Variants in TBCD observed in about 807,000 individuals in gnomAD.
TBCD encodes the protein tubulin folding cofactor D, also known as tubulin-specific chaperone D.
A neutral mutation model predicts 169.3 loss-of-function variants in TBCD; 105 were observed. The observed-to-expected ratio is 0.62, with a 90% CI of 0.53 to 0.73. The LOEUF is 0.73. Ranked by LOEUF, TBCD falls within the 30% of genes least tolerant of loss-of-function variation. TBCD has a pLI of 0.00. For synonymous variants in TBCD, 700 were observed against 643.9 expected (o/e 1.09, Z -1.32); for missense variants, 1,444 against 1,600.1 (o/e 0.90, Z 1.66).
intron 14 of TBCD, among the ~76,000 whole-genome samples, chr17:82,879,072 T>C (rs1222079750): frequency 6.6e-6 from 1 of 150,990 alleles, no homozygotes; most frequent in Non-Finnish European, 1.5e-5. Flanking sequence ...TTTTTTTTTT[T>C]TTTTTTTCTT....
rs1369299067 is a variant in TBCD, at chr17:82,923,818, G to C, written c.2260+85G>C. Reference sequence around the variant, plus strand: ...AGTGTCTGGGCACGGAGGAGGCCTCGGTTGTGCAGTGGAGCAGAGCCACCA... The same window carrying C: ...AGTGTCTGGGCACGGAGGAGGCCTCCGTTGTGCAGTGGAGCAGAGCCACCA... On this transcript the variant is annotated intron_variant, in intron 26 of 38. Transcript: ENST00000355528. This position sits in a 1 kb window ranked among gnomAD's most constrained non-coding sequence, Gnocchi z 4.6. 8.6e-7 allele frequency: 1 copy of C among 1,159,690 alleles called. No individual in the cohort carries two copies. Among genetic ancestry groups the C allele is most frequent in the Non-Finnish European group, 1.2e-6 (1 of 814,976 alleles). 71.8% of individuals were successfully genotyped at this position (1,159,690 alleles called of 1,614,324 possible).
intron 1 of TBCD, 120 bp downstream of exon 1, chr17:82,752,497 TGCGCGGTCCCGCGGGCCGTGGTGGG>T (rs1184249287): frequency 1.2e-6 from 1 of 811,566 alleles, no homozygotes; most frequent in Admixed American, 5.3e-5. Context: ...GGGCTGCCGG[TGCGCGGTCCCGCGGGCCGTGGTGGG>T]GCGCGGCCTT....
chr17:82,768,573 A>G lies in TBCD; in HGVS notation c.582+7A>G, dbSNP rs1453790061. On this transcript the variant is annotated splice_region_variant and intron_variant, in intron 5 of 38. Coordinates refer to ENST00000355528, the MANE Select transcript of TBCD (RefSeq NM_005993.5). ...TATTCTCCAAATAGCAGAGGTAAAT[A>G]TCATGCAGATAATTAGCTGCTAATT... The G allele has an allele frequency of 6.2e-7, 1 of 1,613,402 alleles. No individual in the cohort carries two copies. Among genetic ancestry groups the G allele is most frequent in the South Asian group, 1.1e-5 (1 of 91,028 alleles).
chr17:82,928,003 G>A lies in TBCD; in HGVS notation c.2693+15G>A, dbSNP rs772259454. 27 of 1,606,268 alleles carry A rather than the reference G, an allele frequency of 1.7e-5. No individual in the cohort carries two copies. The highest frequency in any genetic ancestry group is 4.5e-5 in the East Asian group (2 of 44,822). ...GAGGCCCATACGTGAGTGTCACGTCGCAGCTCTTCTGCATCCTAGAGGGCA... is the reference window on the plus strand; with the variant it reads ...GAGGCCCATACGTGAGTGTCACGTCACAGCTCTTCTGCATCCTAGAGGGCA... On this transcript the variant is annotated intron_variant, in intron 30 of 38. Coordinates refer to ENST00000355528, the MANE Select transcript of TBCD (RefSeq NM_005993.5).
intron 13 of TBCD, chr17:82,829,807 A>G: frequency 3.4e-6 from 1 of 290,220 alleles, no homozygotes; most frequent in East Asian, 7.0e-5. Flanking sequence ...TAATAGAAAA[A>G]CAGTTAAAAC....
At chr17:82,790,187 G>T (rs1041262935) in intron 7 of TBCD, among the ~76,000 whole-genome samples, 1 of 152,110 alleles carries the variant, frequency 6.6e-6, no homozygotes, top group Non-Finnish European at 1.5e-5. Flanking sequence ...CCCTCTGGAG[G>T]CCCTGGGCTC....
intron 8 of TBCD, among the ~76,000 whole-genome samples, 162 bp downstream of exon 8, chr17:82,797,964 T>A (rs2050226923): frequency 1.7e-4 from 2 of 11,650 alleles, no homozygotes; most frequent in Non-Finnish European, 2.7e-4. Context: ...TAACTGAACT[T>A]TTTTTTTTTT....
At chr17:82,887,131 C>CTATG (rs1555632222) in intron 15 of TBCD, among the ~76,000 whole-genome samples, 1 of 123,364 alleles carries the variant, frequency 8.1e-6, no homozygotes, top group Non-Finnish European at 1.7e-5. Context: ...TACCTGTACT[C>CTATG]TGTGTGTGTG....
intron 14 of TBCD, among the ~76,000 whole-genome samples, chr17:82,875,538 C>T (rs1411972581): frequency 2.6e-5 from 4 of 152,256 alleles, no homozygotes; most frequent in African/African-American, 9.6e-5. Context: ...CCACGGGGCC[C>T]TCCCCTGCCA....
chr17:82,889,749 G>A lies in TBCD; in HGVS notation c.1563+52G>A, dbSNP rs2059001683. 4 of 1,605,780 alleles carry A rather than the reference G, an allele frequency of 2.5e-6. 1 individual carries two copies. The South Asian group carries it at 4.4e-5, about 18-fold the overall frequency. ...TCCAAAAACTTCCTGCGGGTTTATA[G>A]GTAGGAATCTTGAGAGCTATAACCC... On this transcript the variant is annotated intron_variant, in intron 16 of 38. Transcript: ENST00000355528. The surrounding 1 kb of genome is among the most constrained non-coding windows in gnomAD (Gnocchi z 5.3).
At chr17:82,785,790 C>T (rs1239414390) in intron 7 of TBCD, among the ~76,000 whole-genome samples, 1 of 144,028 alleles carries the variant, frequency 6.9e-6, no homozygotes. Context: ...TCCCGCCCAT[C>T]GCAGCGGGAG....
In TBCD at chr17:82,772,553, G is replaced by T. The variant is rs749686460; in HGVS notation, c.638+46G>T. 7 of 1,603,262 alleles carry T rather than the reference G, an allele frequency of 4.4e-6. No individual in the cohort carries two copies. In the South Asian group the frequency reaches 7.7e-5, roughly 18 times the overall value. ...TCTTGGTGTGTGGCTGGTGGGTTCTGAGAGGGGTTTGTTTGGGTACGTGTT... is the reference window on the plus strand; with the variant it reads ...TCTTGGTGTGTGGCTGGTGGGTTCTTAGAGGGGTTTGTTTGGGTACGTGTT... On this transcript the variant is annotated intron_variant, in intron 6 of 38. Transcript: ENST00000355528.
In TBCD at chr17:82,766,379, C is replaced by T. The variant is rs754353709; in HGVS notation, c.435+11C>T. The T allele has an allele frequency of 4.2e-5, 67 of 1,601,368 alleles. No individual in the cohort carries two copies. The highest frequency in any genetic ancestry group is 5.1e-6 in the Non-Finnish European group (6 of 1,171,586). On this transcript the variant is annotated intron_variant, in intron 4 of 38. Transcript: ENST00000355528. The stretch of plus-strand genomic sequence containing the variant: ...CCCAAGGACCATGAAGTGAGTGTCT[C>T]TGCCTCCCCCCTCGTCTCCAGCCCT...
At chr17:82,766,080 G>A (rs1375545002) in intron 3 of TBCD, among the ~76,000 whole-genome samples, 187 bp from the exon 4 acceptor site, 6 of 152,130 alleles carry the variant, frequency 3.9e-5, no homozygotes, top group Non-Finnish European at 7.4e-5. Context: ...GTGAGCCATC[G>A]CTCTTGGCCA....
chr17:82,940,344 G>A (rs2063069524), intron 37 of TBCD, among the ~76,000 whole-genome samples: 1 of 152,204 alleles, frequency 6.6e-6, no homozygotes, highest in South Asian at 2.1e-4. Context: ...CGGGGTGGTG[G>A]AGTCCCAGGT....
At chr17:82,761,460 C>T (rs751136044) in intron 2 of TBCD, among the ~76,000 whole-genome samples, 5 of 152,174 alleles carry the variant, frequency 3.3e-5, no homozygotes, top group South Asian at 2.1e-4. Flanking sequence ...ATACACCCCG[C>T]GCTATCAAGA....
intron 13 of TBCD, chr17:82,865,629 C>A: frequency 1.3e-6 from 1 of 775,284 alleles, no homozygotes; most frequent in Non-Finnish European, 1.6e-6. Flanking sequence ...CCAGCTACAT[C>A]TGCAGAAGTC....
intron 21 of TBCD, among the ~76,000 whole-genome samples, 163 bp from the exon 22 acceptor site, chr17:82,909,122 G>C (rs920104118): frequency 5.3e-5 from 8 of 152,340 alleles, no homozygotes; most frequent in South Asian, 2.1e-4. Context: ...AAGGCCATCT[G>C]CGTCAGTAGG....
At position 82,831,371 on chromosome 17, in the gene TBCD, G is replaced by A. The variant is rs1437742595; in HGVS notation, c.1318+16437G>A. 5 of 1,614,178 alleles carry A rather than the reference G, an allele frequency of 3.1e-6. No homozygotes were observed. The highest frequency in any genetic ancestry group is 4.2e-6 in the Non-Finnish European group (5 of 1,180,046). ...GGGTCCGAAGGGTTTAACCTGGAAG[G>A]ACTCGAGGCTGGATAGACCAGGGTG... On this transcript the variant is annotated intron_variant, in intron 13 of 38. Coordinates refer to ENST00000355528, the MANE Select transcript of TBCD (RefSeq NM_005993.5). The surrounding 1 kb of genome is among the most constrained non-coding windows in gnomAD (Gnocchi z 4.6).
Sources: gnomAD v4.1 joint callset for allele counts (sites outside exome capture counted in the v4.1 genomes callset) on GRCh38, gnomAD v4.1.1 for gene constraint, Gnocchi (gnomAD v3.1) non-coding constraint, MANE v1.5 for transcripts, NCBI Gene and HGNC (gene_info 2026-07-23, HGNC 2026-07-21) for gene names.